BRAF: variants seen among roughly 807,000 people sequenced by gnomAD.
BRAF encodes the protein B-Raf proto-oncogene, serine/threonine kinase.
A neutral mutation model predicts 104.6 loss-of-function variants in BRAF; 16 were observed. The ratio of observed to expected loss-of-function variants is 0.15; its 90% CI spans 0.10 to 0.23. BRAF has a LOEUF of 0.23. Among genes scored for constraint, BRAF ranks in the 10% least tolerant of loss-of-function variants. The probability of loss-of-function intolerance (pLI) is 1.00; values close to 1 mark genes in which losing one functional copy is unlikely to be tolerated. For missense variants in BRAF, 541 were observed against 937.3 expected (o/e 0.58, Z 5.52); for synonymous variants, 310 against 341.6 (o/e 0.91, Z 1.02).
chr7:140,846,353 A>G (rs1018373612), intron 2 of BRAF, among the ~76,000 whole-genome samples: 6 of 152,226 alleles, frequency 3.9e-5, no homozygotes, highest in Non-Finnish European at 5.9e-5. Context: ...TATATGCATT[A>G]TCCTTGTTGC....
rs184368314 is a variant in BRAF at position 140,894,683 on chromosome 7, C to G, written c.138+29883G>C. Among the ~76,000 whole-genome samples the G allele has an allele frequency of 7.7e-3, 1,167 of 152,032 alleles. 18 individuals carry two copies. Among genetic ancestry groups the G allele is most frequent in the African/African-American group, 0.027 (1,103 of 41,480 alleles). On this transcript the variant is annotated intron_variant, in intron 1 of 19. Transcript: ENST00000644969. The stretch of plus-strand genomic sequence containing the variant: ...AAAACTATTAGATGGGAAACACACA[C>G]ATACCCATAAGAGACAAAGCCCCCA...
rs1318111610 is a variant in BRAF at position 140,910,670 on chromosome 7, G to GAA, written c.138+13894_138+13895dup. On this transcript the variant is annotated intron_variant, in intron 1 of 19. Coordinates refer to ENST00000644969, the MANE Select transcript of BRAF (RefSeq NM_001374258.1). ...ACCCAATTTTTTCAGTCCTAAAGGG[G>GAA]AAAAAATACACTTTTTTTTTGAGAG... Among the ~76,000 whole-genome samples, 4 of 152,002 alleles carry GAA rather than the reference G, an allele frequency of 2.6e-5. 1 individual carries two copies. Among genetic ancestry groups the GAA allele is most frequent in the Admixed American group, 2.6e-4 (4 of 15,248 alleles).
At position 140,719,887 on chromosome 7, in the gene BRAF, G is replaced by A; in HGVS notation, c.*6607C>T. The stretch of plus-strand genomic sequence containing the variant: ...GAAGTGTACTAAACCCGAACCTTTG[G>A]CAGTAACAGAAAAGAGGAATGTGTG... On this transcript the variant is annotated 3_prime_UTR_variant, in exon 20 of 20. Transcript: ENST00000644969. The A allele has an allele frequency of 9.4e-7, 1 of 1,062,544 alleles. No homozygotes were observed. The highest frequency in any genetic ancestry group is 1.1e-6 in the Non-Finnish European group (1 of 877,560). The allele number at this position is 1,062,544 out of a possible 1,614,324, so 65.8% of individuals were successfully genotyped here.
At chr7:140,777,192 G>C (rs1800420016) in intron 13 of BRAF, 104 bp from the exon 13 acceptor site, 4 of 1,248,298 alleles carry the variant, frequency 3.2e-6, no homozygotes, top group Non-Finnish European at 3.4e-6. Flanking sequence ...GTCAGAAAAA[G>C]CTTTTTTTTT....
intron 9 of BRAF, 23 bp downstream of exon 9, chr7:140,787,525 A>G (rs1801513781): frequency 6.2e-7 from 1 of 1,607,986 alleles, no homozygotes; most frequent in Non-Finnish European, 8.5e-7. Flanking sequence ...GAGTTTTTAA[A>G]AAAACCTGAA....
At chr7:140,766,604 A>G (rs1171526915) in intron 14 of BRAF, among the ~76,000 whole-genome samples, 1 of 151,974 alleles carries the variant, frequency 6.6e-6, no homozygotes, top group Non-Finnish European at 1.5e-5. Context: ...TTTTTTTGAG[A>G]CAGGGTTTCA....
intron 2 of BRAF, among the ~76,000 whole-genome samples, chr7:140,842,116 C>T (rs1367469172): frequency 1.3e-5 from 2 of 152,132 alleles, no homozygotes; most frequent in African/African-American, 4.8e-5. Flanking sequence ...TGACACAATG[C>T]CTCTGTATTA....
chr7:140,724,749 GT>G lies in BRAF; in HGVS notation c.*1744del, dbSNP rs1795507856. ...AATTCCTTGATTTATTCTGGGTCTT[GT>G]TTAATTTCTTTCAAGTCCTTGGCTA... On this transcript the variant is annotated 3_prime_UTR_variant, in exon 20 of 20. Transcript: ENST00000644969. The G allele has an allele frequency of 9.7e-7, 1 of 1,033,858 alleles. No individual in the cohort carries two copies. Among genetic ancestry groups the G allele is most frequent in the Non-Finnish European group, 1.2e-6 (1 of 859,396 alleles). The allele number at this position is 1,033,858 out of a possible 1,614,324, so 64.0% of individuals were successfully genotyped here. A position where few individuals can be genotyped will look rare whatever the true frequency, so the allele number is the denominator to read the frequency against.
chr7:140,747,608 T>C (rs1797458471), intron 17 of BRAF, among the ~76,000 whole-genome samples: 1 of 152,232 alleles, frequency 6.6e-6, no homozygotes, highest in African/African-American at 2.4e-5. Context: ...TAAATTTTTA[T>C]TAATTTGTAG....
At chr7:140,810,231 T>C (rs759789530) in intron 3 of BRAF, among the ~76,000 whole-genome samples, 1 of 152,102 alleles carries the variant, frequency 6.6e-6, no homozygotes, top group African/African-American at 2.4e-5. Flanking sequence ...TTAGGATCTA[T>C]GACCAGAAAT....
chr7:140,863,501 G>C (rs1193005509), intron 1 of BRAF, among the ~76,000 whole-genome samples: 1 of 152,182 alleles, frequency 6.6e-6, no homozygotes, highest in African/African-American at 2.4e-5. Context: ...AGGTATGTGT[G>C]ACATAATCTG....
intron 17 of BRAF, among the ~76,000 whole-genome samples, chr7:140,746,808 C>T (rs1232081170): frequency 2.1e-5 from 3 of 143,950 alleles, no homozygotes; most frequent in Non-Finnish European, 4.5e-5. Context: ...CCAGCCTGGG[C>T]GACACAGCAA....
rs10525418 is a variant in BRAF at position 140,798,272 on chromosome 7, C to CTTTTTTTTTTTTTTTTTT, written c.980+2089_980+2090insAAAAAAAAAAAAAAAAAA. Among the ~76,000 whole-genome samples, 17 of 115,620 alleles carry CTTTTTTTTTTTTTTTTTT rather than the reference C, an allele frequency of 1.5e-4. 2 individuals are homozygous for CTTTTTTTTTTTTTTTTTT. The highest frequency in any genetic ancestry group is 4.9e-4 in the East Asian group (2 of 4,072). The allele number at this position is 115,620 out of a possible 152,430, so 75.9% of individuals were successfully genotyped here. ...AATGCTGTATGGGGACTTTTTTTTT[C>CTTTTTTTTTTTTTTTTTT]TTTTTTTTGAGACGGAGTCTTGCTC... On this transcript the variant is annotated intron_variant, in intron 7 of 19. Coordinates refer to ENST00000644969, the MANE Select transcript of BRAF (RefSeq NM_001374258.1).
At chr7:140,738,360 G>C (rs1019867714) in intron 18 of BRAF, among the ~76,000 whole-genome samples, 1 of 152,120 alleles carries the variant, frequency 6.6e-6, no homozygotes, top group East Asian at 1.9e-4. Flanking sequence ...TCTAATTCCT[G>C]TAACATTGAC....
intron 1 of BRAF, among the ~76,000 whole-genome samples, chr7:140,910,865 A>G (rs868515692): frequency 1.3e-5 from 2 of 152,060 alleles, no homozygotes; most frequent in Middle Eastern, 3.4e-3. Context: ...GGGGCTCGCT[A>G]TGTTGCCCAG....
At chr7:140,789,235 T>C (rs1317971818) in intron 8 of BRAF, among the ~76,000 whole-genome samples, 2 of 151,526 alleles carry the variant, frequency 1.3e-5, no homozygotes, top group African/African-American at 2.4e-5. Context: ...AAAAACTATA[T>C]ATATATTTAG....
chr7:140,834,490 A>G, intron 3 of BRAF, 119 bp downstream of exon 3: 3 of 1,357,364 alleles, frequency 2.2e-6, no homozygotes, highest in Non-Finnish European at 3.1e-6. Flanking sequence ...CCTGTATGAC[A>G]TGGATGCCTC....
At chr7:140,749,036 T>C (rs1172427507) in intron 17 of BRAF, 3 of 450,420 alleles carry the variant, frequency 6.7e-6, no homozygotes, top group Middle Eastern at 6.6e-4. Flanking sequence ...AAATATCCAT[T>C]CTTGTAACTG....
chr7:140,717,537 GAGCCCAACTC>G (rs1563219177), downstream of BRAF, among the ~76,000 whole-genome samples: 1 of 152,114 alleles, frequency 6.6e-6, no homozygotes, highest in East Asian at 1.9e-4. Context: ...GTGAGCCATT[GAGCCCAACTC>G]AGTGTTAAGA....
Sources: allele counts gnomAD v4.1 joint callset (sites outside exome capture counted in the v4.1 genomes callset), GRCh38; gene constraint gnomAD v4.1.1; transcripts MANE v1.5; gene names NCBI Gene and HGNC (gene_info 2026-07-23, HGNC 2026-07-21).